Variants in ARHGEF18 observed in about 807,000 individuals in gnomAD.
ARHGEF18 encodes the protein Rho/Rac guanine nucleotide exchange factor 18.
ARHGEF18 carries 93 observed loss-of-function variants against 155.7 expected under a neutral mutation model. The observed-to-expected ratio is 0.60, with a 90% CI of 0.50 to 0.71. The LOEUF is 0.71. ARHGEF18 is among the 30% of genes least tolerant of loss of function. The pLI is 0.00. For missense variants in ARHGEF18, 1,593 were observed against 1,816.1 expected (o/e 0.88, Z 2.23); for synonymous variants, 742 against 753.1 (o/e 0.99, Z 0.24).
At chr19:7,422,996 G>A (rs1973452957) in intron 10 of ARHGEF18, among the ~76,000 whole-genome samples, 1 of 152,094 alleles carries the variant, frequency 6.6e-6, no homozygotes, top group South Asian at 2.1e-4. Flanking sequence ...TGGGATTACA[G>A]TCATAAGCTA....
Position 7,441,664 on chromosome 19 carries a change from G to C in ARHGEF18, c.1118G>C (p.Gly373Ala), listed in dbSNP as rs780160325. ...GPGTQLGPIT[G>A]EMDEADSAFL... ...TTGTTTGCACTCAGACCAATCACAG[G>C]AGAGATGGATGAAGCCGATTCTGCG... is the stretch of plus-strand genomic sequence containing the variant. The change falls in exon 12 of 29, where the codon GGA becomes GCA. Residue 373 changes from glycine (G) to alanine (A), a missense_variant. Gly to Ala is a moderately conservative substitution (Grantham distance 60, BLOSUM62 0). Coordinates refer to ENST00000668164, the MANE Select transcript of ARHGEF18 (RefSeq NM_001367823.1). 8 of 1,613,964 alleles carry C rather than the reference G, an allele frequency of 5.0e-6. No homozygotes were observed. The Admixed American group carries it at 1.3e-4, about 27-fold the overall frequency.
rs965775620 is a variant in ARHGEF18, at chr19:7,428,713, G to A, written c.968-11631G>A. Among the ~76,000 whole-genome samples, 6 of 152,060 alleles carry A rather than the reference G, an allele frequency of 3.9e-5. No homozygotes were observed. The East Asian group carries it at 1.2e-3, about 30-fold the overall frequency. On this transcript the variant is annotated intron_variant, in intron 10 of 28. Coordinates refer to ENST00000668164, the MANE Select transcript of ARHGEF18 (RefSeq NM_001367823.1). ...CAGAGTGAAACTGTGTCGAAAAAACGAAAGTGAAATGGCCAAGAAAGAGAT... is the reference window on the plus strand; with the variant it reads ...CAGAGTGAAACTGTGTCGAAAAAACAAAAGTGAAATGGCCAAGAAAGAGAT...
In ARHGEF18 at chr19:7,444,167, C is replaced by A; in HGVS notation, c.1361-37C>A. 6.2e-7 allele frequency: 1 copy of A among 1,601,556 alleles called. No individual in the cohort carries two copies. The highest frequency in any genetic ancestry group is 8.5e-7 in the Non-Finnish European group (1 of 1,171,624). ...ACGACTGCCCAGCGGGGCCGTGGAGCCAGCATGGCTAAGTCCTGCCGTCTG... is the reference window on the plus strand; with the variant it reads ...ACGACTGCCCAGCGGGGCCGTGGAGACAGCATGGCTAAGTCCTGCCGTCTG... On this transcript the variant is annotated intron_variant, in intron 13 of 28. Coordinates refer to ENST00000668164, the MANE Select transcript of ARHGEF18 (RefSeq NM_001367823.1). This position sits in a 1 kb window ranked among gnomAD's most constrained non-coding sequence, Gnocchi z 4.7.
intron 10 of ARHGEF18, among the ~76,000 whole-genome samples, chr19:7,392,274 C>A (rs1262046436): frequency 1.4e-5 from 2 of 146,580 alleles, no homozygotes; most frequent in Admixed American, 6.8e-5. Flanking sequence ...CTCATAAATG[C>A]AGAATGGTTG....
At chr19:7,387,986 A>T (rs62111681) in intron 10 of ARHGEF18, among the ~76,000 whole-genome samples, 3,792 of 152,054 alleles carry the variant, frequency 0.025, 111 homozygotes, top group Middle Eastern at 0.041. Context: ...TCTGGTTGGC[A>T]GAGTTGAGTT....
chr19:7,369,592 T>A (rs1194494067), intron 2 of ARHGEF18, among the ~76,000 whole-genome samples: 1 of 145,586 alleles, frequency 6.9e-6, no homozygotes, highest in African/African-American at 2.6e-5. Flanking sequence ...AGGTCAGGAG[T>A]TCAAGAGCAG....
At chr19:7,455,010 G>A (rs1440773717) in intron 17 of ARHGEF18, among the ~76,000 whole-genome samples, 1 of 152,220 alleles carries the variant, frequency 6.6e-6, no homozygotes, top group Non-Finnish European at 1.5e-5. Context: ...AGACCAGAGA[G>A]TGCTCAGGAT....
intron 2 of ARHGEF18, among the ~76,000 whole-genome samples, chr19:7,366,636 G>A (rs1181969710): frequency 6.6e-6 from 1 of 152,200 alleles, no homozygotes; most frequent in Non-Finnish European, 1.5e-5. Flanking sequence ...ATAACGGTTT[G>A]GCTTAATCAT....
Position 7,380,922 on chromosome 19 carries a change from G to A in ARHGEF18, c.650G>A (p.Arg217Gln), listed in dbSNP as rs984064194. Reference sequence around the variant, plus strand: ...TGTCCCCTCTGATCCTGCAGGGCCCGGCAGAGGGCTTGCATGTCAGCCAGC... The same window carrying A: ...TGTCCCCTCTGATCCTGCAGGGCCCAGCAGAGGGCTTGCATGTCAGCCAGC... ...LQELRQYHGARQRACMSASPG... is the reference protein window; with the variant it reads ...LQELRQYHGAQQRACMSASPG... Residue 217 changes from arginine to glutamine, a missense_variant, in exon 8 of 29, where the codon CGG becomes CAG. Arg to Gln is a conservative substitution (Grantham distance 43). Coordinates refer to ENST00000668164, the MANE Select transcript of ARHGEF18 (RefSeq NM_001367823.1). 43 of 1,232,138 alleles carry A rather than the reference G, an allele frequency of 3.5e-5. No homozygotes were observed. The highest frequency in any genetic ancestry group is 1.7e-5 in the Non-Finnish European group (17 of 987,992). 76.3% of individuals were successfully genotyped at this position (1,232,138 alleles called of 1,614,324 possible). A position where few individuals can be genotyped will look rare whatever the true frequency, so the allele number is the denominator to read the frequency against.
chr19:7,431,768 T>C (rs4804169), intron 10 of ARHGEF18, among the ~76,000 whole-genome samples: 86,866 of 152,112 alleles, frequency 0.57, 25,073 homozygotes, highest in East Asian at 0.75. Flanking sequence ...GAGCCGAGAT[T>C]GCGCCATTGT....
At chr19:7,380,286 G>C (rs1042576058) in intron 7 of ARHGEF18, among the ~76,000 whole-genome samples, 18 of 151,802 alleles carry the variant, frequency 1.2e-4, no homozygotes, top group Non-Finnish European at 2.2e-4. Context: ...AGACCATCCT[G>C]ACTAACATGG....
intron 2 of ARHGEF18, among the ~76,000 whole-genome samples, chr19:7,371,689 T>G (rs8108566): frequency 6.6e-6 from 1 of 151,652 alleles, no homozygotes; most frequent in East Asian, 1.9e-4. Context: ...GACATAATGG[T>G]GGGTGCCTGT....
chr19:7,400,517 A>G (rs1971979105), intron 10 of ARHGEF18, among the ~76,000 whole-genome samples: 1 of 151,986 alleles, frequency 6.6e-6, no homozygotes, highest in Non-Finnish European at 1.5e-5. Context: ...GTTGGTCTGG[A>G]GAAAGTCTCA....
At chr19:7,373,466 T>TG (rs375338251) in intron 3 of ARHGEF18, among the ~76,000 whole-genome samples, 30,674 of 140,154 alleles carry the variant, frequency 0.22, 7,464 homozygotes, top group African/African-American at 0.58. Context: ...TGTGTTTGTT[T>TG]TTTTTTTTTT....
chr19:7,364,052 TGAA>T (rs2145357018), intron 2 of ARHGEF18, among the ~76,000 whole-genome samples: 1 of 102,414 alleles, frequency 9.8e-6, no homozygotes, highest in South Asian at 3.4e-4. Flanking sequence ...AATGAATGAA[TGAA>T]GGAAAGATGG....
chr19:7,476,130 G>T (rs1172132402), downstream of ARHGEF18, among the ~76,000 whole-genome samples: 1 of 152,242 alleles, frequency 6.6e-6, no homozygotes, highest in Non-Finnish European at 1.5e-5. Flanking sequence ...GGGCAATGTG[G>T]TGAGACCCTG....
At chr19:7,371,362 T>C (rs1484917834) in intron 2 of ARHGEF18, among the ~76,000 whole-genome samples, 1 of 152,146 alleles carries the variant, frequency 6.6e-6, no homozygotes, top group Non-Finnish European at 1.5e-5. Context: ...ATGTGCTTAA[T>C]GATACTGAAC....
At chr19:7,450,718 A>ATGTGG (rs1975361586) in intron 15 of ARHGEF18, among the ~76,000 whole-genome samples, 1 of 9,986 alleles carries the variant, frequency 1.0e-4, no homozygotes, top group African/African-American at 4.2e-4. Flanking sequence ...TGTTAATGCA[A>ATGTGG]GATCTTGCTT....
chr19:7,402,871 C>T (rs569248242), intron 10 of ARHGEF18, among the ~76,000 whole-genome samples: 1 of 152,210 alleles, frequency 6.6e-6, no homozygotes, highest in South Asian at 2.1e-4. Context: ...CCAGGCATGA[C>T]CCAGAAAGCC....
Sources: gnomAD v4.1 joint callset for allele counts (sites outside exome capture counted in the v4.1 genomes callset) on GRCh38, gnomAD v4.1.1 for gene constraint, Gnocchi (gnomAD v3.1) non-coding constraint, MANE v1.5 for transcripts, NCBI Gene and HGNC (gene_info 2026-07-23, HGNC 2026-07-21) for gene names.